The following CHRM3 variants were observed in gnomAD, a reference collection of about 807,000 sequenced individuals.
CHRM3 encodes muscarinic acetylcholine receptor M3.
A neutral mutation model predicts 41.8 loss-of-function variants in CHRM3; 11 were observed. That is an observed-to-expected ratio of 0.26 (90% confidence interval 0.17 to 0.44). CHRM3 has a LOEUF of 0.44. CHRM3 is among the 20% of genes least tolerant of loss of function. The pLI, the probability that CHRM3 is intolerant of heterozygous loss-of-function variation, is 1.00. For missense variants in CHRM3, 571 were observed against 745.4 expected, an observed-to-expected ratio of 0.77 and a Z score of 2.72; for synonymous variants, 297 against 301.4, an observed-to-expected ratio of 0.99 and a Z score of 0.15.
At chr1:239,693,299 T>A (rs143115078) in intron 5 of CHRM3, among the ~76,000 whole-genome samples, 230 of 152,248 alleles carry the variant, frequency 1.5e-3, no homozygotes, top group African/African-American at 5.1e-3. Context: ...CCAATGCAAC[T>A]GTATTTGGAG....
At chr1:239,598,356 C>T (rs145722488) in intron 3 of CHRM3, among the ~76,000 whole-genome samples, 96 of 152,150 alleles carry the variant, frequency 6.3e-4, no homozygotes, top group African/African-American at 2.0e-3. Flanking sequence ...GAGATGAAAT[C>T]GTACTCATTA....
chr1:239,405,928 G>C (rs1450931613), intron 1 of CHRM3, among the ~76,000 whole-genome samples: 2 of 152,068 alleles, frequency 1.3e-5, no homozygotes, highest in Non-Finnish European at 2.9e-5. Flanking sequence ...CTATCATCAG[G>C]CTGGAGTGTA....
At position 239,908,918 on chromosome 1, in the gene CHRM3, G is replaced by C. The variant is rs762495692; in HGVS notation, c.1467G>C (p.Ala489=). The C allele has an allele frequency of 3.7e-6, 6 of 1,613,944 alleles. No homozygotes were observed. The highest frequency in any genetic ancestry group is 5.1e-6 in the Non-Finnish European group (6 of 1,180,050). The change falls in exon 7 of 7, where the codon GCG becomes GCC. Residue 489 remains alanine, a synonymous_variant. Transcript: ENST00000676153. This position sits in a 1 kb window ranked among gnomAD's most constrained non-coding sequence, Gnocchi z 7.2. ...TGTCCCTGGTCAAGGAGAAGAAAGC[G>C]GCCCAGACCCTCAGTGCGATCTTGC... The part of the protein sequence containing the change: ...KRMSLVKEKK[A]AQTLSAILLA...
At chr1:239,702,317 G>C (rs989988395) in intron 5 of CHRM3, among the ~76,000 whole-genome samples, 4 of 152,114 alleles carry the variant, frequency 2.6e-5, no homozygotes, top group African/African-American at 7.2e-5. Flanking sequence ...CAAAACATGG[G>C]TGTTTTGGAT....
Position 239,893,429 on chromosome 1 carries a change from C to G in CHRM3, c.-19-14004C>G, listed in dbSNP as rs1202391403. On this transcript the variant is annotated intron_variant, in intron 6 of 6. Transcript: ENST00000676153. ...ACTAGGGCAGAGATTAGGAAATAGACCTGAGAGCCAGCCTGTGTGTGTGGC... is the reference window on the plus strand; with the variant it reads ...ACTAGGGCAGAGATTAGGAAATAGAGCTGAGAGCCAGCCTGTGTGTGTGGC... Among the ~76,000 whole-genome samples the G allele has an allele frequency of 3.3e-5, 5 of 152,130 alleles. No individual in the cohort carries two copies. In the East Asian group the frequency reaches 9.6e-4, roughly 29 times the overall value.
At chr1:239,752,906 C>T (rs1302435830) in intron 5 of CHRM3, among the ~76,000 whole-genome samples, 1 of 152,082 alleles carries the variant, frequency 6.6e-6, no homozygotes, top group East Asian at 1.9e-4. Context: ...GTTAACCTTT[C>T]ATACCTTGAT....
intron 5 of CHRM3, among the ~76,000 whole-genome samples, chr1:239,699,250 ATGTTGAAGCGTAACT>A (rs56836268): frequency 0.41 from 61,761 of 151,882 alleles, 12,862 homozygotes; most frequent in Middle Eastern, 0.52. Flanking sequence ...CAAAACACAT[ATGTTGAAGCGTAACT>A]CCCAGTGTGA....
At position 239,834,508 on chromosome 1, in the gene CHRM3, G is replaced by T. The variant is rs186839320; in HGVS notation, c.-20+7130G>T. ...GACCTTTAGGCAATAGAAATACCCA[G>T]CCACTAAGCAATCCCGAAAGCATTC... is the stretch of plus-strand genomic sequence containing the variant. On this transcript the variant is annotated intron_variant, in intron 6 of 6. Coordinates refer to ENST00000676153, the MANE Select transcript of CHRM3 (RefSeq NM_001375978.1). 1.1e-4 allele frequency among the ~76,000 whole-genome samples: 16 copies of T among 151,948 alleles called. No individual in the cohort carries two copies. The East Asian group carries it at 3.1e-3, about 30-fold the overall frequency.
intron 4 of CHRM3, among the ~76,000 whole-genome samples, chr1:239,636,342 A>G (rs568180066): frequency 6.6e-6 from 1 of 152,354 alleles, no homozygotes; most frequent in Non-Finnish European, 1.5e-5. Context: ...TATCCCGTGA[A>G]ACAAAAGTCA....
intron 2 of CHRM3, among the ~76,000 whole-genome samples, chr1:239,499,489 G>A (rs1227511691): frequency 6.6e-6 from 1 of 152,126 alleles, no homozygotes; most frequent in East Asian, 1.9e-4. Context: ...CTTGGAGGTT[G>A]GAGTTAAACT....
chr1:239,821,045 A>C (rs1057012186), intron 5 of CHRM3, among the ~76,000 whole-genome samples: 4 of 152,206 alleles, frequency 2.6e-5, no homozygotes, highest in Non-Finnish European at 2.9e-5. Context: ...TGCATGATTT[A>C]TGTGGGTTTA....
At chr1:239,824,199 T>C (rs2149063303) in intron 5 of CHRM3, among the ~76,000 whole-genome samples, 1 of 152,288 alleles carries the variant, frequency 6.6e-6, no homozygotes, top group African/African-American at 2.4e-5. Context: ...ATCTTGAATG[T>C]AGCATAGAGA....
At chr1:239,562,219 G>A (rs1051579687) in intron 3 of CHRM3, among the ~76,000 whole-genome samples, 20 of 152,158 alleles carry the variant, frequency 1.3e-4, no homozygotes, top group African/African-American at 4.6e-4. Flanking sequence ...AAAGGGGAAG[G>A]GGAAGGGAGG....
chr1:239,677,395 A>T (rs900547857), intron 4 of CHRM3, among the ~76,000 whole-genome samples: 1 of 152,230 alleles, frequency 6.6e-6, no homozygotes, highest in Non-Finnish European at 1.5e-5. Context: ...TTGCCATAAA[A>T]CATTAGGGGG....
intron 6 of CHRM3, among the ~76,000 whole-genome samples, chr1:239,877,430 A>T (rs1042519460): frequency 6.6e-6 from 1 of 152,166 alleles, no homozygotes; most frequent in Non-Finnish European, 1.5e-5. Flanking sequence ...AAAATAAAAA[A>T]AAAAAGAAAG....
intron 4 of CHRM3, among the ~76,000 whole-genome samples, chr1:239,672,013 C>T (rs1674419645): frequency 6.6e-6 from 1 of 152,110 alleles, no homozygotes; most frequent in Non-Finnish European, 1.5e-5. Context: ...CCAGCTTTTC[C>T]ACCTGGAATT....
intron 6 of CHRM3, among the ~76,000 whole-genome samples, chr1:239,867,004 A>C (rs2149301058): frequency 6.6e-6 from 1 of 152,256 alleles, no homozygotes. Flanking sequence ...GTAGAACCAC[A>C]CTCCAACCTG....
At chr1:239,688,276 C>T (rs929858515) in intron 5 of CHRM3, among the ~76,000 whole-genome samples, 8 of 146,586 alleles carry the variant, frequency 5.5e-5, no homozygotes, top group African/African-American at 1.5e-4. Context: ...CATATATACA[C>T]ATATATATGT....
At chr1:239,751,163 G>A (rs1352323411) in intron 5 of CHRM3, among the ~76,000 whole-genome samples, 2 of 151,628 alleles carry the variant, frequency 1.3e-5, no homozygotes, top group Admixed American at 6.6e-5. Flanking sequence ...GCTTGAACCC[G>A]GGAGGCAGAG....
Sources: gnomAD v4.1 joint callset for allele counts (sites outside exome capture counted in the v4.1 genomes callset) on GRCh38, gnomAD v4.1.1 for gene constraint, Gnocchi (gnomAD v3.1) non-coding constraint, MANE v1.5 for transcripts, NCBI Gene and HGNC (gene_info 2026-07-23, HGNC 2026-07-21) for gene names.